The following MTERF4 variants were observed in gnomAD, a reference collection of about 807,000 sequenced individuals.
The protein encoded by MTERF4 is transcription termination factor 4, mitochondrial.
A neutral mutation model predicts 22.5 loss-of-function variants in MTERF4; 17 were observed. That is an observed-to-expected ratio of 0.75 (90% CI 0.52 to 1.13). MTERF4 has a LOEUF of 1.13. Ranked by LOEUF, MTERF4 falls within the 50% of genes most tolerant of loss-of-function variation. The pLI is 0.00. For synonymous variants in MTERF4, 165 were observed against 175.3 expected (o/e 0.94, Z 0.47); for missense variants, 420 against 466.8 (o/e 0.90, Z 0.92).
At chr2:241,050,022 T>C in the MTERF4 span, 7 of 975,248 alleles carry the variant, frequency 7.2e-6, no homozygotes, top group African/African-American at 1.1e-4. Flanking sequence ...TCTCTCTCCT[T>C]GTTTCGCGAA....
chr2:241,065,879 G>C, the MTERF4 span, among the ~76,000 whole-genome samples: 1 of 152,148 alleles, frequency 6.6e-6, no homozygotes, highest in Non-Finnish European at 1.5e-5. Context: ...AAGTGGGACT[G>C]GGGAGGAATG....
chr2:241,070,024 A>G, downstream of MTERF4: 1 of 1,612,938 alleles, frequency 6.2e-7, no homozygotes, highest in Non-Finnish European at 8.5e-7. Flanking sequence ...GGCTTATGTC[A>G]TCAATGTGAC....
downstream of MTERF4, chr2:241,071,590 G>A (rs761370688): frequency 6.3e-6 from 10 of 1,586,914 alleles, no homozygotes; most frequent in Non-Finnish European, 8.5e-6. Context: ...CAGGGATGGC[G>A]CTGACAGACG....
At position 241,081,535 on chromosome 2, in the gene MTERF4, G is replaced by A. The variant is rs771840225; in HGVS notation, n.480-5853C>T. ...GGACCACGCTCTAGGGCCCAGAGGC[G>A]TTTGGGAGGCCACCGCAGCACACCA... On this transcript the variant is annotated intron_variant and non_coding_transcript_variant, in intron 4 of 4. Transcript: ENST00000464344. 30 of 655,560 alleles carry A rather than the reference G, an allele frequency of 4.6e-5. 1 individual carries two copies. The highest frequency in any genetic ancestry group is 4.9e-4 in the Middle Eastern group (2 of 4,056). The allele number at this position is 655,560 out of a possible 1,614,324, so 40.6% of individuals were successfully genotyped here.
chr2:241,090,687 T>C (rs1480711695), downstream of MTERF4, among the ~76,000 whole-genome samples: 1 of 152,084 alleles, frequency 6.6e-6, no homozygotes, highest in African/African-American at 2.4e-5. Context: ...GCCAACATGA[T>C]GAAACCCTGT....
chr2:241,064,946 A>T, the MTERF4 span: 1 of 1,584,072 alleles, frequency 6.3e-7, no homozygotes, highest in East Asian at 2.3e-5. This position sits in a 1 kb window ranked among gnomAD's most constrained non-coding sequence, Gnocchi z 7.0. Flanking sequence ...ACGGGCGAGG[A>T]CTGCGCCAAA....
At chr2:241,044,571 C>T in the MTERF4 span, among the ~76,000 whole-genome samples, 1 of 152,190 alleles carries the variant, frequency 6.6e-6, no homozygotes, top group East Asian at 1.9e-4. Flanking sequence ...GGTATCCCCC[C>T]AGCCAGGACT....
In MTERF4 at chr2:241,081,827, C is replaced by T. The variant is rs904610742; in HGVS notation, n.480-6145G>A. ...GGGCTTGGCCTCAGGGCGCCCCTTC[C>T]AACACAGCCTGTGCCTCAGCCTAGG... On this transcript the variant is annotated intron_variant and non_coding_transcript_variant, in intron 4 of 4. Transcript: ENST00000464344. The T allele has an allele frequency of 1.4e-5, 20 of 1,468,632 alleles. 1 individual carries two copies. The African/African-American group carries it at 2.8e-4, about 21-fold the overall frequency. 91.0% of individuals were successfully genotyped at this position (1,468,632 alleles called of 1,614,324 possible). A position where few individuals can be genotyped will look rare whatever the true frequency, so the allele number is the denominator to read the frequency against.
the MTERF4 span, among the ~76,000 whole-genome samples, chr2:241,054,890 G>A: frequency 6.6e-6 from 1 of 152,224 alleles, no homozygotes; most frequent in Non-Finnish European, 1.5e-5. Flanking sequence ...GCCGAGGCAG[G>A]TGGATCACCT....
At chr2:241,088,374 T>G, downstream of MTERF4, 1 of 1,610,636 alleles carries the variant, frequency 6.2e-7, no homozygotes, top group East Asian at 2.2e-5. Context: ...GGAAACAAAG[T>G]AAGAGTCAGA....
chr2:241,055,590 T>C, the MTERF4 span, among the ~76,000 whole-genome samples: 1 of 152,084 alleles, frequency 6.6e-6, no homozygotes, highest in Non-Finnish European at 1.5e-5. Context: ...TATTAAAGAG[T>C]TGAGGAGGCA....
rs547495742 is a variant in MTERF4, at chr2:241,096,681, G to A, written c.706-243C>T. ...GGGTGGGAGGGAAAAGGGGCAGGAG[G>A]GAGAAGGGGCAGAAGGAAGAGGTGG... On this transcript the variant is annotated intron_variant, in intron 3 of 3. Transcript: ENST00000391980. The surrounding 1 kb of genome is among the most constrained non-coding windows in gnomAD (Gnocchi z 5.1). 1.5e-6 allele frequency: 1 copy of A among 680,860 alleles called. No individual in the cohort carries two copies. Among genetic ancestry groups the A allele is most frequent in the South Asian group, 1.5e-5 (1 of 66,246 alleles). The allele number at this position is 680,860 out of a possible 1,614,324, so 42.2% of individuals were successfully genotyped here.
At chr2:241,079,585 G>A (rs959055650) in intron 4 of MTERF4, among the ~76,000 whole-genome samples, 6 of 152,092 alleles carry the variant, frequency 3.9e-5, no homozygotes, top group Non-Finnish European at 5.9e-5. Context: ...ACTGGAGATC[G>A]GCGAGGCTTC....
At chr2:241,071,790 C>T, downstream of MTERF4, 1 of 1,590,048 alleles carries the variant, frequency 6.3e-7, no homozygotes, top group South Asian at 1.2e-5. Flanking sequence ...CCCACCCTCT[C>T]TGCAGGTTCT....
At chr2:241,050,585 T>G in the MTERF4 span, among the ~76,000 whole-genome samples, 1 of 152,232 alleles carries the variant, frequency 6.6e-6, no homozygotes, top group Non-Finnish European at 1.5e-5. Context: ...TCCTTGTCCC[T>G]GAGGGAAAGA....
At chr2:241,081,792 C>T (rs1173367016) in intron 4 of MTERF4, 3 of 1,576,292 alleles carry the variant, frequency 1.9e-6, no homozygotes, top group Non-Finnish European at 1.7e-6. Context: ...GCTGCGAGCT[C>T]GGTAAGTCGG....
downstream of MTERF4, chr2:241,090,567 A>G (rs2063884083): frequency 8.2e-7 from 1 of 1,216,834 alleles, no homozygotes. Flanking sequence ...AGGGCAGTGC[A>G]GTAGGTTTGT....
chr2:241,043,292 C>T, the MTERF4 span, among the ~76,000 whole-genome samples: 2 of 151,846 alleles, frequency 1.3e-5, no homozygotes, highest in African/African-American at 2.4e-5. Context: ...TTACATACAG[C>T]GAAACAAGAA....
exon 5 of MTERF4, chr2:241,072,983 T>G: frequency 2.1e-6 from 1 of 473,592 alleles, no homozygotes; most frequent in Non-Finnish European, 3.7e-6. Flanking sequence ...GCCGTGAGGA[T>G]GGGGCCTCTC....
Sources: allele counts gnomAD v4.1 joint callset (sites outside exome capture counted in the v4.1 genomes callset), GRCh38; gene constraint gnomAD v4.1.1; non-coding constraint Gnocchi (gnomAD v3.1); transcripts MANE v1.5; gene names NCBI Gene and HGNC (gene_info 2026-07-23, HGNC 2026-07-21).